The following DEPTOR variants were observed in gnomAD, a reference collection of about 807,000 sequenced individuals.
DEPTOR encodes the protein DEP domain containing MTOR interacting protein.
Under a neutral mutation model 41.6 loss-of-function variants are expected in DEPTOR, and 41 were observed. The ratio of observed to expected loss-of-function variants is 0.98; its 90% confidence interval spans 0.77 to 1.28. The LOEUF is 1.28. DEPTOR is among the 50% of genes most tolerant of loss of function. The pLI, the probability that DEPTOR is intolerant of heterozygous loss-of-function variation, is 0.00. For missense variants in DEPTOR, 514 were observed against 527.9 expected (o/e 0.97, Z 0.26); for synonymous variants, 195 against 192.3 (o/e 1.01, Z -0.12).
chr8:119,965,240 G>T lies in DEPTOR; in HGVS notation c.434G>T (p.Ser145Ile). 6.2e-7 allele frequency: 1 copy of T among 1,612,090 alleles called. No homozygotes were observed. Among genetic ancestry groups the T allele is most frequent in the Non-Finnish European group, 8.5e-7 (1 of 1,179,518 alleles). ...CCTTTTTTTCTTCCCAGGCTGATGA[G>T]CCCTGAAAACACACTCCTGCAGCCC... ...RGQRLYEKLM[S>I]PENTLLQPRE... Residue 145 changes from serine to isoleucine, a missense_variant, in exon 4 of 9, where the codon AGC (serine) becomes ATC (isoleucine). Coordinates refer to ENST00000286234, the MANE Select transcript of DEPTOR (RefSeq NM_022783.4).
intron 8 of DEPTOR, among the ~76,000 whole-genome samples, chr8:120,046,237 G>A (rs1813151158): frequency 6.6e-6 from 1 of 152,150 alleles, no homozygotes; most frequent in African/African-American, 2.4e-5. Flanking sequence ...GTAAACTGTA[G>A]AATTCAGTAG....
chr8:119,949,834 C>T, intron 3 of DEPTOR, among the ~76,000 whole-genome samples: 1 of 152,034 alleles, frequency 6.6e-6, no homozygotes, highest in East Asian at 1.9e-4. Context: ...TGCACGCCAC[C>T]ATGCCCAGCT....
In DEPTOR at chr8:119,965,411, G is replaced by A. The variant is rs1828546659; in HGVS notation, c.604+1G>A. The A allele has an allele frequency of 6.2e-7, 1 of 1,613,032 alleles. No homozygotes were observed. The highest frequency in any genetic ancestry group is 1.3e-5 in the African/African-American group (1 of 74,890). On this transcript the variant is annotated splice_donor_variant, in intron 4 of 8. Transcript: ENST00000286234. LOFTEE classifies it high-confidence loss of function. Reference sequence around the variant, plus strand: ...ATGGAGCATGGCATCATCCAGCATGGTGAGCGTATTGGGCAGCTTTTGCTG... The same window carrying A: ...ATGGAGCATGGCATCATCCAGCATGATGAGCGTATTGGGCAGCTTTTGCTG...
intron 1 of DEPTOR, among the ~76,000 whole-genome samples, chr8:119,875,872 T>G (rs137885227): frequency 0.019 from 2,833 of 152,292 alleles, 87 homozygotes; most frequent in African/African-American, 0.063. Flanking sequence ...TGTCCAGTTT[T>G]GGGACAGGTA....
intron 1 of DEPTOR, among the ~76,000 whole-genome samples, chr8:119,887,086 T>G (rs1443997874): frequency 1.4e-5 from 2 of 141,940 alleles, no homozygotes; most frequent in Non-Finnish European, 3.1e-5. Context: ...GGTTATGTGT[T>G]TTTACCAGTC....
At chr8:119,985,682 G>T (rs1828819573) in intron 4 of DEPTOR, among the ~76,000 whole-genome samples, 1 of 151,984 alleles carries the variant, frequency 6.6e-6, no homozygotes, top group African/African-American at 2.4e-5. Context: ...CAGTTCTCCT[G>T]TATTGTGTGT....
intron 4 of DEPTOR, among the ~76,000 whole-genome samples, chr8:119,985,475 CA>C (rs1471054669): frequency 3.9e-5 from 6 of 152,116 alleles, no homozygotes; most frequent in Admixed American, 3.9e-4. Flanking sequence ...GGATAGATTG[CA>C]AAAATTTTCA....
At chr8:119,899,002 C>G (rs2129741614) in intron 1 of DEPTOR, among the ~76,000 whole-genome samples, 1 of 152,230 alleles carries the variant, frequency 6.6e-6, no homozygotes, top group South Asian at 2.1e-4. Context: ...CATATGAGAC[C>G]ACATGTATTG....
At position 120,049,577 on chromosome 8, in the gene DEPTOR, T is replaced by C. The variant is rs1292516899; in HGVS notation, c.1103T>C (p.Val368Ala). Residue 368 changes from valine to alanine, a missense_variant and splice_region_variant, in exon 9 of 9, where the codon GTC becomes GCC. Val to Ala is a moderately conservative substitution (Grantham distance 64, BLOSUM62 0). Transcript: ENST00000286234. ...TCTTTCTTTGCATCTTTCCTTTAGG[T>C]CTGTCAGTTTGTCGTCTCTGTCAAC... is the stretch of plus-strand genomic sequence containing the variant. ...SGPAAAAGMK[V>A]CQFVVSVNGL... is the part of the protein sequence containing the mutation. 3 of 1,613,284 alleles carry C rather than the reference T, an allele frequency of 1.9e-6. No individual in the cohort carries two copies. The highest frequency in any genetic ancestry group is 2.2e-5 in the East Asian group (1 of 44,844).
At chr8:119,914,628 C>T (rs548656916) in intron 1 of DEPTOR, among the ~76,000 whole-genome samples, 2 of 152,004 alleles carry the variant, frequency 1.3e-5, no homozygotes, top group South Asian at 2.1e-4. Flanking sequence ...TTAGTAGAGA[C>T]GGGGTTTCAC....
chr8:119,983,219 T>G (rs913319744), intron 4 of DEPTOR, among the ~76,000 whole-genome samples: 2 of 152,112 alleles, frequency 1.3e-5, no homozygotes, highest in African/African-American at 4.8e-5. Flanking sequence ...ATCTGTACTA[T>G]CTTTGCAGCT....
chr8:120,048,677 C>T (rs1352545133), intron 8 of DEPTOR, among the ~76,000 whole-genome samples: 1 of 151,910 alleles, frequency 6.6e-6, no homozygotes, highest in Non-Finnish European at 1.5e-5. Flanking sequence ...TGCCTGTGAC[C>T]GTGAAAGAAG....
intron 8 of DEPTOR, among the ~76,000 whole-genome samples, chr8:120,030,957 C>T (rs1812882026): frequency 6.6e-6 from 1 of 152,138 alleles, no homozygotes; most frequent in South Asian, 2.1e-4. Context: ...CTATGTGGGG[C>T]AGGAGGCGTA....
rs567647874 is a variant in DEPTOR at position 119,879,104 on chromosome 8, C to T, written c.122+5136C>T. The stretch of plus-strand genomic sequence containing the variant: ...CAGCCTGGGCAACAAGAGCAAAACT[C>T]GGTCTCAAAAAAAAAAATGCATTTG... On this transcript the variant is annotated intron_variant, in intron 1 of 8. Transcript: ENST00000286234. Among the ~76,000 whole-genome samples the T allele has an allele frequency of 6.1e-5, 7 of 115,292 alleles. No homozygotes were observed. The South Asian group carries it at 1.5e-3, about 25-fold the overall frequency. 75.6% of individuals were successfully genotyped at this position (115,292 alleles called of 152,430 possible). A position where few individuals can be genotyped will look rare whatever the true frequency, so the allele number is the denominator to read the frequency against.
chr8:119,987,606 TTA>T (rs1333691442), intron 4 of DEPTOR, among the ~76,000 whole-genome samples: 1 of 152,040 alleles, frequency 6.6e-6, no homozygotes, highest in African/African-American at 2.4e-5. Flanking sequence ...ACAGGGAGGT[TTA>T]GGTCTGCTGA....
At chr8:120,011,485 C>T (rs1486284431) in intron 8 of DEPTOR, among the ~76,000 whole-genome samples, 1 of 152,178 alleles carries the variant, frequency 6.6e-6, no homozygotes, top group African/African-American at 2.4e-5. Context: ...TAATGGAACT[C>T]TTGGCTGGGG....
chr8:120,033,675 T>G (rs1812930364), intron 8 of DEPTOR, among the ~76,000 whole-genome samples: 1 of 152,174 alleles, frequency 6.6e-6, no homozygotes, highest in African/African-American at 2.4e-5. Flanking sequence ...TCCATAGATT[T>G]CTCTGACTGG....
rs1177103228 is a variant in DEPTOR at position 120,002,791 on chromosome 8, A to AATATATAT, written c.791-172_791-165dup. Among the ~76,000 whole-genome samples the AATATATAT allele has an allele frequency of 6.4e-4, 39 of 60,622 alleles. 1 individual carries two copies. The highest frequency in any genetic ancestry group is 2.1e-3 in the African/African-American group (28 of 13,174). The allele number at this position is 60,622 out of a possible 152,430, so 39.8% of individuals were successfully genotyped here. A position where few individuals can be genotyped will look rare whatever the true frequency, so the allele number is the denominator to read the frequency against. ...GACTCCATCTCAAAAAAAAAAAAAA[A>AATATATAT]ATATATATATATATATATATAATAT... On this transcript the variant is annotated intron_variant, in intron 5 of 8. Transcript: ENST00000286234.
intron 3 of DEPTOR, among the ~76,000 whole-genome samples, chr8:119,934,546 T>C (rs779494885): frequency 6.6e-6 from 1 of 152,152 alleles, no homozygotes; most frequent in African/African-American, 2.4e-5. Flanking sequence ...ATCTGCAGTC[T>C]ACCGTGGAGA....
Sources: gnomAD v4.1 joint callset for allele counts (sites outside exome capture counted in the v4.1 genomes callset) on GRCh38, gnomAD v4.1.1 for gene constraint, MANE v1.5 for transcripts, NCBI Gene and HGNC (gene_info 2026-07-23, HGNC 2026-07-21) for gene names.